Variants in ELAVL4 observed in about 807,000 individuals in gnomAD.
ELAVL4 encodes the protein ELAV like RNA binding protein 4, also known as ELAV-like protein 4.
A neutral mutation model predicts 35.6 loss-of-function variants in ELAVL4; 1 was observed. That is an observed-to-expected ratio of 0.03 (90% confidence interval 0.01 to 0.13). The LOEUF is 0.13. Among genes scored for constraint, ELAVL4 ranks in the 10% least tolerant of loss-of-function variants. The pLI, the probability that ELAVL4 is intolerant of heterozygous loss-of-function variation, is 1.00. For synonymous variants in ELAVL4, 156 were observed against 171.0 expected (o/e 0.91, Z 0.69); for missense variants, 267 against 464.9 (o/e 0.57, Z 3.91).
At chr1:50,102,701 G>A (rs1666052800), upstream of ELAVL4, among the ~76,000 whole-genome samples, 1 of 152,130 alleles carries the variant, frequency 6.6e-6, no homozygotes, top group South Asian at 2.1e-4. Flanking sequence ...TACCAGGGTT[G>A]TTTGTTTGTT....
At chr1:50,101,495 TATTTTTTAA>T (rs930512405), upstream of ELAVL4, among the ~76,000 whole-genome samples, 4 of 152,208 alleles carry the variant, frequency 2.6e-5, no homozygotes, top group African/African-American at 9.6e-5. Flanking sequence ...TTTTAAAGAA[TATTTTTTAA>T]ATTTTTTAAT....
chr1:50,119,094 A>G (rs1012716055), intron 1 of ELAVL4, among the ~76,000 whole-genome samples: 2 of 105,514 alleles, frequency 1.9e-5, no homozygotes, highest in African/African-American at 3.9e-5. Context: ...GAAAGAAAGA[A>G]AAAGAAAAAG....
intron 2 of ELAVL4, among the ~76,000 whole-genome samples, chr1:50,146,029 C>T (rs1673646676): frequency 6.6e-6 from 1 of 152,172 alleles, no homozygotes; most frequent in Non-Finnish European, 1.5e-5. Context: ...GGCAGTGAAG[C>T]TGCTACTCTC....
chr1:50,109,015 T>TCGGGGGC lies in ELAVL4; in HGVS notation c.-174_-173insGGGGGCC. 3 of 961,038 alleles carry TCGGGGGC rather than the reference T, an allele frequency of 3.1e-6. No homozygotes were observed. The highest frequency in any genetic ancestry group is 3.7e-6 in the Non-Finnish European group (3 of 816,920). The allele number at this position is 961,038 out of a possible 1,614,324, so 59.5% of individuals were successfully genotyped here. A position where few individuals can be genotyped will look rare whatever the true frequency, so the allele number is the denominator to read the frequency against. ...GCTCCTTTTCTTTTTTTTCTTTCTC[T>TCGGGGGC]CCCCCGCCCACCCCCCCAAAAATAA... On this transcript the variant is annotated 5_prime_UTR_variant, in exon 1 of 7. Transcript: ENST00000371824.
At chr1:50,069,464 T>A (rs1664414465) in intron 1 of ELAVL4, among the ~76,000 whole-genome samples, 1 of 152,206 alleles carries the variant, frequency 6.6e-6, no homozygotes. Context: ...CATGGGTGCC[T>A]GTGATCTATT....
intron 2 of ELAVL4, among the ~76,000 whole-genome samples, chr1:50,145,654 C>T (rs914361918): frequency 6.6e-6 from 1 of 152,176 alleles, no homozygotes; most frequent in African/African-American, 2.4e-5. Context: ...CACAACTGCC[C>T]TTGTCCCTGG....
At chr1:50,049,303 T>G (rs1318072982) in intron 1 of ELAVL4, among the ~76,000 whole-genome samples, 1 of 152,202 alleles carries the variant, frequency 6.6e-6, no homozygotes, top group Non-Finnish European at 1.5e-5. Flanking sequence ...CGCCTAGCTT[T>G]TAATATTTTA....
At chr1:50,117,585 G>A (rs183976117) in intron 1 of ELAVL4, among the ~76,000 whole-genome samples, 1 of 152,254 alleles carries the variant, frequency 6.6e-6, no homozygotes, top group East Asian at 1.9e-4. Context: ...TCTTTAAATG[G>A]TGATGACAAT....
intron 1 of ELAVL4, chr1:50,110,076 C>A: frequency 7.3e-7 from 1 of 1,365,946 alleles, no homozygotes; most frequent in Non-Finnish European, 1.0e-6. Context: ...TCGTAAATCA[C>A]TGTGCTGATC....
intron 1 of ELAVL4, among the ~76,000 whole-genome samples, chr1:50,051,251 A>G (rs1211207664): frequency 6.6e-6 from 1 of 152,162 alleles, no homozygotes; most frequent in Non-Finnish European, 1.5e-5. Flanking sequence ...CTCCTCTCAT[A>G]TTCCCTCAAG....
intron 2 of ELAVL4, among the ~76,000 whole-genome samples, chr1:50,159,516 C>T (rs1196329397): frequency 2.6e-5 from 4 of 151,668 alleles, no homozygotes; most frequent in Non-Finnish European, 4.4e-5. Context: ...GACTGAGGCA[C>T]GAGAATCACT....
chr1:50,148,246 T>G (rs1674097423), intron 2 of ELAVL4, among the ~76,000 whole-genome samples: 1 of 152,198 alleles, frequency 6.6e-6, no homozygotes, highest in South Asian at 2.1e-4. Context: ...TGATTTTATT[T>G]GGAGGCATGT....
intron 4 of ELAVL4, 106 bp downstream of exon 4, chr1:50,194,024 A>G: frequency 4.5e-6 from 6 of 1,333,640 alleles, no homozygotes; most frequent in Non-Finnish European, 6.0e-6. Flanking sequence ...GATATGGATC[A>G]TGAATAGACA....
intron 1 of ELAVL4, among the ~76,000 whole-genome samples, chr1:50,117,688 AG>A (rs748882352): frequency 6.6e-6 from 1 of 152,100 alleles, no homozygotes; most frequent in Non-Finnish European, 1.5e-5. Flanking sequence ...AGGTGCTTTG[AG>A]GGTGTTAAGT....
At chr1:50,091,254 C>A (rs1665480612) in intron 1 of ELAVL4, among the ~76,000 whole-genome samples, 1 of 152,212 alleles carries the variant, frequency 6.6e-6, no homozygotes, top group Non-Finnish European at 1.5e-5. Flanking sequence ...CCACCTTCTG[C>A]CATTGCAGAT....
upstream of ELAVL4, among the ~76,000 whole-genome samples, chr1:50,099,029 G>A (rs571422477): frequency 3.9e-5 from 6 of 152,322 alleles, no homozygotes; most frequent in Admixed American, 3.9e-4. Flanking sequence ...TTTATAATAA[G>A]TCAGCATTGA....
chr1:50,072,273 T>C (rs1664564717), intron 1 of ELAVL4, among the ~76,000 whole-genome samples: 1 of 152,240 alleles, frequency 6.6e-6, no homozygotes, highest in Non-Finnish European at 1.5e-5. Flanking sequence ...TTTTATTTTC[T>C]TTCTCTATCA....
chr1:50,105,995 CCT>C (rs1258986792), upstream of ELAVL4: 1 of 296,050 alleles, frequency 3.4e-6, no homozygotes, highest in Non-Finnish European at 6.2e-6. Context: ...GTTTTTCCCC[CCT>C]CTTCTTTTTT....
chr1:50,170,157 TC>T (rs1557826246), intron 2 of ELAVL4, among the ~76,000 whole-genome samples: 1 of 152,164 alleles, frequency 6.6e-6, no homozygotes, highest in African/African-American at 2.4e-5. Flanking sequence ...TCAGACAGTA[TC>T]TTGTGGGGCA....
Sources: allele counts gnomAD v4.1 joint callset (sites outside exome capture counted in the v4.1 genomes callset), GRCh38; gene constraint gnomAD v4.1.1; transcripts MANE v1.5; gene names NCBI Gene and HGNC (gene_info 2026-07-23, HGNC 2026-07-21).